KCND2: variants seen among roughly 807,000 people sequenced by gnomAD.
KCND2 encodes A-type voltage-gated potassium channel KCND2.
KCND2 carries 16 observed loss-of-function variants against 54.4 expected under a neutral mutation model. The ratio of observed to expected loss-of-function variants is 0.29; its 90% confidence interval spans 0.20 to 0.45. The LOEUF is 0.45. KCND2 is among the 20% of genes least tolerant of loss of function. The pLI is 1.00. For synonymous variants in KCND2, 317 were observed against 310.7 expected (o/e 1.02, Z -0.21); for missense variants, 486 against 824.2 (o/e 0.59, Z 5.02).
chr7:120,336,109 A>G (rs1800148456), intron 1 of KCND2, among the ~76,000 whole-genome samples: 1 of 152,208 alleles, frequency 6.6e-6, no homozygotes, highest in African/African-American at 2.4e-5. Flanking sequence ...TTTCTTTTAA[A>G]AAAATTTTCA....
intron 1 of KCND2, among the ~76,000 whole-genome samples, chr7:120,456,585 A>C: frequency 6.6e-6 from 1 of 152,252 alleles, no homozygotes; most frequent in East Asian, 1.9e-4. Flanking sequence ...TGATTATTAT[A>C]CTAGCTACAA....
chr7:120,526,444 C>A (rs1468352823), intron 1 of KCND2, among the ~76,000 whole-genome samples: 1 of 152,040 alleles, frequency 6.6e-6, no homozygotes, highest in African/African-American at 2.4e-5. Context: ...CTTATAATGA[C>A]CTACTTAAGG....
chr7:120,741,856 T>A (rs191644528), intron 3 of KCND2, among the ~76,000 whole-genome samples: 1 of 152,270 alleles, frequency 6.6e-6, no homozygotes, highest in East Asian at 1.9e-4. Context: ...TGATGCCTAT[T>A]CATCATTGGG....
chr7:120,745,373 C>A (rs115780552), intron 4 of KCND2, among the ~76,000 whole-genome samples: 234 of 152,098 alleles, frequency 1.5e-3, no homozygotes, highest in African/African-American at 5.2e-3. Flanking sequence ...TTAAAATAAT[C>A]TATTTTCCAT....
At chr7:120,429,587 T>A (rs925505485) in intron 1 of KCND2, among the ~76,000 whole-genome samples, 1 of 151,942 alleles carries the variant, frequency 6.6e-6, no homozygotes, top group Non-Finnish European at 1.5e-5. Context: ...CGGTTGTGAG[T>A]TGAACTCGTC....
chr7:120,314,667 G>C (rs984300739), intron 1 of KCND2, among the ~76,000 whole-genome samples: 4 of 152,066 alleles, frequency 2.6e-5, no homozygotes, highest in African/African-American at 7.2e-5. Flanking sequence ...ACAACATAAA[G>C]GTTGCCTGAA....
At chr7:120,673,624 G>A (rs1251307376) in intron 1 of KCND2, among the ~76,000 whole-genome samples, 2 of 152,050 alleles carry the variant, frequency 1.3e-5, no homozygotes, top group Non-Finnish European at 2.9e-5. Context: ...TCTTACTACA[G>A]CCAGAATAAA....
At chr7:120,721,983 C>T (rs1438814125) in intron 1 of KCND2, among the ~76,000 whole-genome samples, 1 of 152,138 alleles carries the variant, frequency 6.6e-6, no homozygotes, top group African/African-American at 2.4e-5. Flanking sequence ...CGTCACTCTC[C>T]CTTTGCCAGC....
rs547660917 is a variant in KCND2 at position 120,364,970 on chromosome 7, T to A, written c.1115+89223T>A. Among the ~76,000 whole-genome samples, 4 of 151,860 alleles carry A rather than the reference T, an allele frequency of 2.6e-5. No homozygotes were observed. The South Asian group carries it at 8.3e-4, about 32-fold the overall frequency. On this transcript the variant is annotated intron_variant, in intron 1 of 5. Coordinates refer to ENST00000331113, the MANE Select transcript of KCND2 (RefSeq NM_012281.3). ...AGCAAAAAGATTATAAGAAACAAAA[T>A]AGAAAAGTTATCCATTGTAAAAAGA...
intron 1 of KCND2, among the ~76,000 whole-genome samples, chr7:120,658,272 A>G (rs1266771142): frequency 6.6e-6 from 1 of 152,208 alleles, no homozygotes; most frequent in African/African-American, 2.4e-5. Context: ...TATTTTCAAC[A>G]TCTAGAAAAA....
chr7:120,416,876 C>T (rs1801532305), intron 1 of KCND2, among the ~76,000 whole-genome samples: 2 of 152,088 alleles, frequency 1.3e-5, no homozygotes, highest in African/African-American at 2.4e-5. Context: ...GGCAGAGTCT[C>T]GCTCTGTTGC....
At chr7:120,416,023 T>C (rs1285882924) in intron 1 of KCND2, among the ~76,000 whole-genome samples, 1 of 152,318 alleles carries the variant, frequency 6.6e-6, no homozygotes, top group East Asian at 1.9e-4. Flanking sequence ...TCTGAGTAAC[T>C]GTTTCTCCAC....
intron 1 of KCND2, among the ~76,000 whole-genome samples, chr7:120,566,557 GC>G (rs531417504): frequency 2.6e-5 from 4 of 151,998 alleles, no homozygotes; most frequent in Admixed American, 6.6e-5. Context: ...TATTGCCCAG[GC>G]TGATCTCCAA....
intron 1 of KCND2, among the ~76,000 whole-genome samples, chr7:120,532,098 A>C (rs1791849829): frequency 6.6e-6 from 1 of 152,128 alleles, no homozygotes; most frequent in African/African-American, 2.4e-5. Context: ...ATTAAAAATC[A>C]GAAGCAAAAA....
intron 1 of KCND2, among the ~76,000 whole-genome samples, chr7:120,324,212 T>G (rs1356411785): frequency 2.7e-5 from 4 of 150,408 alleles, no homozygotes; most frequent in Non-Finnish European, 5.9e-5. Context: ...CTTTGTCAGA[T>G]GAGTAGGTTG....
intron 1 of KCND2, among the ~76,000 whole-genome samples, chr7:120,630,220 A>G (rs1793216507): frequency 6.6e-6 from 1 of 152,240 alleles, no homozygotes. Flanking sequence ...TAGTGACCTC[A>G]GTACACTGAG....
intron 1 of KCND2, among the ~76,000 whole-genome samples, chr7:120,501,992 G>GT (rs1204820182): frequency 1.3e-5 from 2 of 152,058 alleles, no homozygotes; most frequent in African/African-American, 4.8e-5. Context: ...AGAATACAGT[G>GT]TTTTTAACAA....
chr7:120,385,880 C>A (rs1381961413), intron 1 of KCND2, among the ~76,000 whole-genome samples: 1 of 152,110 alleles, frequency 6.6e-6, no homozygotes, highest in Non-Finnish European at 1.5e-5. Flanking sequence ...TCATTGAGCT[C>A]TTTTCATTCC....
At chr7:120,531,084 G>T (rs976075378) in intron 1 of KCND2, among the ~76,000 whole-genome samples, 3 of 151,972 alleles carry the variant, frequency 2.0e-5, no homozygotes, top group Admixed American at 6.6e-5. Context: ...TTTACCAATG[G>T]ATGTTAAATT....
Sources: allele counts gnomAD v4.1 joint callset (sites outside exome capture counted in the v4.1 genomes callset), GRCh38; gene constraint gnomAD v4.1.1; transcripts MANE v1.5; gene names NCBI Gene and HGNC (gene_info 2026-07-23, HGNC 2026-07-21).